NEGR1: variants seen among roughly 807,000 people sequenced by gnomAD.
The protein encoded by NEGR1 is IgLON family member 4.
NEGR1 carries 10 observed loss-of-function variants against 40.9 expected under a neutral mutation model. That is an observed-to-expected ratio of 0.24 (90% CI 0.15 to 0.42). The LOEUF is 0.42. Among genes scored for constraint, NEGR1 ranks in the 10% least tolerant of loss-of-function variants. The pLI, the probability that NEGR1 is intolerant of heterozygous loss-of-function variation, is 1.00. For synonymous variants in NEGR1, 185 were observed against 166.8 expected, an observed-to-expected ratio of 1.11 and a Z score of -0.84; for missense variants, 352 against 438.9, an observed-to-expected ratio of 0.80 and a Z score of 1.77.
chr1:72,055,705 A>T (rs1385880042), intron 1 of NEGR1, among the ~76,000 whole-genome samples: 1 of 150,184 alleles, frequency 6.7e-6, no homozygotes, highest in African/African-American at 2.4e-5. Context: ...ATTCAGATGT[A>T]TTTGGAAAAA....
At chr1:72,228,819 T>C (rs1293245490) in intron 1 of NEGR1, among the ~76,000 whole-genome samples, 2 of 152,144 alleles carry the variant, frequency 1.3e-5, no homozygotes, top group African/African-American at 4.8e-5. Context: ...TACAAAGTTT[T>C]GCTTCTTACA....
chr1:72,185,999 A>G (rs1319584638), intron 1 of NEGR1, among the ~76,000 whole-genome samples: 1 of 151,814 alleles, frequency 6.6e-6, no homozygotes, highest in Non-Finnish European at 1.5e-5. Flanking sequence ...AATATTATAA[A>G]ATGAGTTTCC....
At chr1:72,181,720 G>T (rs2100413848) in intron 1 of NEGR1, among the ~76,000 whole-genome samples, 1 of 152,246 alleles carries the variant, frequency 6.6e-6, no homozygotes, top group Middle Eastern at 3.4e-3. Flanking sequence ...AAAAGAAAGA[G>T]ATCTTGCCAT....
rs137901372 is a variant in NEGR1, at chr1:71,598,275, G to A, written c.789-5307C>T. Among the ~76,000 whole-genome samples the A allele has an allele frequency of 4.8e-3, 730 of 152,246 alleles. 3 individuals are homozygous for A. The highest frequency in any genetic ancestry group is 0.016 in the African/African-American group (660 of 41,546). ...AAATCATGGATACTTCAAGAAAATC[G>A]AGTCAAGCCAAGGAATAAAACCAAG... is the stretch of plus-strand genomic sequence containing the variant. On this transcript the variant is annotated intron_variant, in intron 5 of 6. Coordinates refer to ENST00000357731, the MANE Select transcript of NEGR1 (RefSeq NM_173808.3).
At chr1:71,873,351 A>G (rs1004304305) in intron 2 of NEGR1, among the ~76,000 whole-genome samples, 1 of 152,028 alleles carries the variant, frequency 6.6e-6, no homozygotes, top group African/African-American at 2.4e-5. Flanking sequence ...AATATTGGTT[A>G]ACAAAACAAA....
intron 1 of NEGR1, among the ~76,000 whole-genome samples, chr1:72,109,324 C>G (rs540682641): frequency 6.6e-6 from 1 of 151,708 alleles, no homozygotes; most frequent in African/African-American, 2.4e-5. Flanking sequence ...AAGATTGAGG[C>G]TAATGGTTCA....
At chr1:71,987,932 A>G (rs1374468475) in intron 1 of NEGR1, among the ~76,000 whole-genome samples, 2 of 152,172 alleles carry the variant, frequency 1.3e-5, no homozygotes, top group African/African-American at 4.8e-5. Context: ...TTCAAAAAGG[A>G]TGCTTTGGGG....
At chr1:71,690,174 G>T (rs1653205807) in intron 4 of NEGR1, among the ~76,000 whole-genome samples, 1 of 151,784 alleles carries the variant, frequency 6.6e-6, no homozygotes, top group African/African-American at 2.4e-5. Flanking sequence ...TCAGACATAA[G>T]CATATTTGGC....
intron 6 of NEGR1, among the ~76,000 whole-genome samples, chr1:71,547,677 T>C (rs529750118): frequency 2.0e-5 from 3 of 151,692 alleles, no homozygotes; most frequent in Admixed American, 6.6e-5. Context: ...TTTTGGAAAA[T>C]TGACCTAGCA....
chr1:71,784,930 A>C (rs1656857492), intron 2 of NEGR1, among the ~76,000 whole-genome samples: 1 of 152,224 alleles, frequency 6.6e-6, no homozygotes, highest in African/African-American at 2.4e-5. Context: ...CGCATGCTGT[A>C]CAAACATTTT....
chr1:71,450,471 G>T (rs1646618929), intron 6 of NEGR1, among the ~76,000 whole-genome samples: 1 of 152,126 alleles, frequency 6.6e-6, no homozygotes, highest in African/African-American at 2.4e-5. Flanking sequence ...AATATTGAAA[G>T]AGATTTAATG....
intron 4 of NEGR1, among the ~76,000 whole-genome samples, chr1:71,615,688 A>G (rs887484016): frequency 3.9e-5 from 6 of 152,230 alleles, no homozygotes; most frequent in African/African-American, 9.6e-5. Flanking sequence ...AGGGTCTAGT[A>G]GCCCATGGTA....
At chr1:72,178,659 G>A (rs1021881779) in intron 1 of NEGR1, among the ~76,000 whole-genome samples, 1 of 151,110 alleles carries the variant, frequency 6.6e-6, no homozygotes, top group Non-Finnish European at 1.5e-5. Context: ...GTGTATAAGC[G>A]TTCCCTTTTC....
chr1:71,935,173 T>A lies in NEGR1; in HGVS notation c.315A>T (p.Ile105=). The stretch of plus-strand genomic sequence containing the variant: ...CATCATCTGTCACATCTACATTCTG[T>A]ATCTGGAGGCTGTAGTCCCTTTTAT... ...TLNKRDYSLQ[I]QNVDVTDDGP... Residue 105 remains isoleucine, a synonymous_variant, in exon 2 of 7, where the codon ATA becomes ATT. Transcript: ENST00000357731. 1 of 1,613,724 alleles carries A rather than the reference T, an allele frequency of 6.2e-7. No homozygotes were observed. The highest frequency in any genetic ancestry group is 8.5e-7 in the Non-Finnish European group (1 of 1,179,684).
intron 1 of NEGR1, among the ~76,000 whole-genome samples, chr1:72,062,637 C>A (rs1487725762): frequency 6.6e-6 from 1 of 151,854 alleles, no homozygotes; most frequent in African/African-American, 2.4e-5. Context: ...GTGTATCTTC[C>A]TATAGTCTGA....
chr1:72,098,740 C>G (rs1042880188), intron 1 of NEGR1, among the ~76,000 whole-genome samples: 1 of 152,070 alleles, frequency 6.6e-6, no homozygotes, highest in African/African-American at 2.4e-5. Context: ...GCAAATTTTT[C>G]TAGCAGCCGT....
intron 6 of NEGR1, among the ~76,000 whole-genome samples, chr1:71,430,540 C>T (rs949737430): frequency 6.6e-6 from 1 of 152,012 alleles, no homozygotes; most frequent in Non-Finnish European, 1.5e-5. Context: ...GACTTTCCAA[C>T]ATTCTTACAG....
At chr1:72,267,865 A>G (rs1655700458) in intron 1 of NEGR1, among the ~76,000 whole-genome samples, 1 of 151,362 alleles carries the variant, frequency 6.6e-6, no homozygotes, top group Non-Finnish European at 1.5e-5. Flanking sequence ...AGAAGAAATG[A>G]TGAAGAAAAT....
chr1:71,642,783 T>C (rs1651397060), intron 4 of NEGR1, among the ~76,000 whole-genome samples: 1 of 152,010 alleles, frequency 6.6e-6, no homozygotes, highest in South Asian at 2.1e-4. Context: ...TAAATGTTTA[T>C]TCTATCTTGG....
Sources: allele counts gnomAD v4.1 joint callset (sites outside exome capture counted in the v4.1 genomes callset), GRCh38; gene constraint gnomAD v4.1.1; transcripts MANE v1.5; gene names NCBI Gene and HGNC (gene_info 2026-07-23, HGNC 2026-07-21).